Variants in RALGAPA1 observed in about 807,000 individuals in gnomAD.
RALGAPA1 encodes the protein ral GTPase-activating protein subunit alpha-1.
In RALGAPA1, 52 loss-of-function variants were observed where a neutral mutation model predicts 269.6. The ratio of observed to expected loss-of-function variants is 0.19; its 90% CI spans 0.15 to 0.24. RALGAPA1 has a LOEUF of 0.24. RALGAPA1 is among the 10% of genes least tolerant of loss of function. RALGAPA1 has a pLI of 1.00. For synonymous variants in RALGAPA1, 817 were observed against 1,008.3 expected (o/e 0.81, Z 3.60); for missense variants, 1,917 against 3,013.9 (o/e 0.64, Z 8.52).
At chr14:35,764,374 C>T (rs1046588791) in intron 4 of RALGAPA1, among the ~76,000 whole-genome samples, 1 of 151,676 alleles carries the variant, frequency 6.6e-6, no homozygotes, top group Non-Finnish European at 1.5e-5. Context: ...GTGTGGGCCA[C>T]TACACCTGGC....
At chr14:35,663,735 G>A (rs943166847) in intron 27 of RALGAPA1, among the ~76,000 whole-genome samples, 8 of 151,930 alleles carry the variant, frequency 5.3e-5, no homozygotes, top group Middle Eastern at 3.4e-3. Flanking sequence ...GACTACACGC[G>A]CCCGCCACCA....
chr14:35,669,751 T>C (rs1260855445), intron 26 of RALGAPA1, among the ~76,000 whole-genome samples: 1 of 152,176 alleles, frequency 6.6e-6, no homozygotes, highest in African/African-American at 2.4e-5. Context: ...AATATACTTC[T>C]CCAAATCCCC....
At chr14:35,741,947 G>A (rs1951843) in intron 11 of RALGAPA1, among the ~76,000 whole-genome samples, 18,436 of 152,176 alleles carry the variant, frequency 0.12, 1,187 homozygotes, top group South Asian at 0.14. Context: ...CAAGGAGGGG[G>A]CACAAACACT....
chr14:35,745,422 G>GACAC (rs71445957), intron 10 of RALGAPA1, among the ~76,000 whole-genome samples: 4,029 of 146,730 alleles, frequency 0.027, 173 homozygotes, highest in African/African-American at 0.087. Context: ...CACACAGACA[G>GACAC]ACACACACAC....
intron 31 of RALGAPA1, among the ~76,000 whole-genome samples, chr14:35,649,072 A>G (rs1301304403): frequency 6.6e-6 from 1 of 152,230 alleles, no homozygotes; most frequent in Non-Finnish European, 1.5e-5. Flanking sequence ...GACAATGCCA[A>G]TAATTTTATT....
chr14:35,621,332 C>G (rs758032192), intron 35 of RALGAPA1, among the ~76,000 whole-genome samples: 1 of 152,170 alleles, frequency 6.6e-6, no homozygotes, highest in Non-Finnish European at 1.5e-5. Flanking sequence ...GAAACTGGAT[C>G]CCTTCCTTAC....
At chr14:35,740,055 A>G (rs558117862) in intron 11 of RALGAPA1, among the ~76,000 whole-genome samples, 6 of 152,268 alleles carry the variant, frequency 3.9e-5, no homozygotes, top group African/African-American at 1.4e-4. Flanking sequence ...TGCAGGTGCT[A>G]TTCACACGGT....
intron 6 of RALGAPA1, among the ~76,000 whole-genome samples, 193 bp from the exon 7 acceptor site, chr14:35,757,101 T>TTTATTA (rs1247262349): frequency 5.0e-5 from 7 of 139,196 alleles, no homozygotes; most frequent in African/African-American, 1.6e-4. Flanking sequence ...TATTTATTTA[T>TTTATTA]TTATTATTAT....
intron 4 of RALGAPA1, among the ~76,000 whole-genome samples, chr14:35,764,943 C>T (rs2074025700): frequency 6.6e-6 from 1 of 152,136 alleles, no homozygotes; most frequent in South Asian, 2.1e-4. Flanking sequence ...AAATTATAAA[C>T]CAAATACTCA....
At chr14:35,541,538 CT>C (rs1481165178) in intron 41 of RALGAPA1, among the ~76,000 whole-genome samples, 2 of 152,056 alleles carry the variant, frequency 1.3e-5, no homozygotes, top group Non-Finnish European at 2.9e-5. Context: ...TTCTGTTCAC[CT>C]TTACTCTTCC....
At chr14:35,757,119 A>AT (rs201089890) in intron 6 of RALGAPA1, among the ~76,000 whole-genome samples, 43 of 144,866 alleles carry the variant, frequency 3.0e-4, no homozygotes, top group African/African-American at 8.5e-4. Flanking sequence ...TATTATTATT[A>AT]TTTTTTTTTT....
chr14:35,625,818 G>A (rs2060958858), intron 34 of RALGAPA1, among the ~76,000 whole-genome samples: 1 of 152,142 alleles, frequency 6.6e-6, no homozygotes, highest in South Asian at 2.1e-4. Flanking sequence ...TATCAAGTAA[G>A]CAAGTGTAAT....
chr14:35,744,978 A>G (rs142282186), intron 10 of RALGAPA1, among the ~76,000 whole-genome samples: 738 of 152,330 alleles, frequency 4.8e-3, no homozygotes, highest in African/African-American at 0.016. Flanking sequence ...AATATCATCC[A>G]GAGCTAAAAT....
chr14:35,678,872 C>A (rs1305397316), intron 21 of RALGAPA1, among the ~76,000 whole-genome samples: 3 of 152,122 alleles, frequency 2.0e-5, no homozygotes, highest in Non-Finnish European at 2.9e-5. Flanking sequence ...TCTCTGCTTC[C>A]TTGAGAAGCC....
At chr14:35,599,071 C>T (rs1348291749) in intron 36 of RALGAPA1, among the ~76,000 whole-genome samples, 1 of 152,086 alleles carries the variant, frequency 6.6e-6, no homozygotes, top group Non-Finnish European at 1.5e-5. Flanking sequence ...GTCATTTTAC[C>T]AGTTTAAGTA....
At chr14:35,787,127 A>G (rs2075853150) in intron 1 of RALGAPA1, among the ~76,000 whole-genome samples, 1 of 152,170 alleles carries the variant, frequency 6.6e-6, no homozygotes, top group South Asian at 2.1e-4. Context: ...CTCTTTTACT[A>G]TACCATTAAC....
At chr14:35,561,758 C>T (rs1183824279) in intron 39 of RALGAPA1, among the ~76,000 whole-genome samples, 2 of 152,024 alleles carry the variant, frequency 1.3e-5, no homozygotes, top group Admixed American at 6.5e-5. Flanking sequence ...GATCTGCCCA[C>T]CTTGACCTCC....
chr14:35,674,150 T>A (rs2064744341), intron 24 of RALGAPA1, 30 bp downstream of exon 24: 1 of 1,498,646 alleles, frequency 6.7e-7, no homozygotes, highest in South Asian at 1.2e-5. Context: ...ATGAGAAGTT[T>A]TAAACTAATA....
rs975519270 is a variant in RALGAPA1 at position 35,570,873 on chromosome 14, A to C, written c.7369-129T>G. On this transcript the variant is annotated intron_variant, in intron 38 of 41. Transcript: ENST00000680220. ...TAGTTCTTCCTTCAGTAAAAATACT[A>C]TTTGAATTCAATTCTTTTCTGTGAT... 1.3e-5 allele frequency: 11 copies of C among 840,020 alleles called. No individual in the cohort carries two copies. The Middle Eastern group carries it at 7.4e-4, about 56-fold the overall frequency. 52.0% of individuals were successfully genotyped at this position (840,020 alleles called of 1,614,324 possible). A position where few individuals can be genotyped will look rare whatever the true frequency, so the allele number is the denominator to read the frequency against.
Sources: gnomAD v4.1 joint callset for allele counts (sites outside exome capture counted in the v4.1 genomes callset) on GRCh38, gnomAD v4.1.1 for gene constraint, MANE v1.5 for transcripts, NCBI Gene and HGNC (gene_info 2026-07-23, HGNC 2026-07-21) for gene names.